Variants in PLCXD3 observed in about 807,000 individuals in gnomAD.
The protein encoded by PLCXD3 is phosphatidylinositol specific phospholipase C X domain containing 3, also known as PI-PLC X domain-containing protein 3.
In PLCXD3, 19 loss-of-function variants were observed where a neutral mutation model predicts 25.5. That is an observed-to-expected ratio of 0.75 (90% confidence interval 0.52 to 1.09). PLCXD3 has a LOEUF of 1.09. Among genes scored for constraint, PLCXD3 ranks in the 50% least tolerant of loss-of-function variants. PLCXD3 has a pLI of 0.00. For missense variants in PLCXD3, 411 were observed against 388.1 expected (o/e 1.06, Z -0.50); for synonymous variants, 174 against 137.6 (o/e 1.26, Z -1.85).
intron 1 of PLCXD3, among the ~76,000 whole-genome samples, chr5:41,499,203 G>A (rs73081519): frequency 0.011 from 1,717 of 151,462 alleles, 29 homozygotes; most frequent in African/African-American, 0.039. Flanking sequence ...AATAGAAAAG[G>A]AAGTAGCAAA....
At chr5:41,330,793 A>G (rs1192957226) in intron 2 of PLCXD3, among the ~76,000 whole-genome samples, 1 of 152,190 alleles carries the variant, frequency 6.6e-6, no homozygotes. Flanking sequence ...GGTTCAATAT[A>G]TGCAAATCAA....
At chr5:41,489,523 T>A (rs1414870008) in intron 1 of PLCXD3, among the ~76,000 whole-genome samples, 1 of 152,324 alleles carries the variant, frequency 6.6e-6, no homozygotes, top group East Asian at 1.9e-4. Flanking sequence ...CCTTGGGCAG[T>A]ATGGCAATTT....
chr5:41,324,940 T>C (rs999348232), intron 2 of PLCXD3, among the ~76,000 whole-genome samples: 1 of 152,182 alleles, frequency 6.6e-6, no homozygotes, highest in African/African-American at 2.4e-5. Flanking sequence ...ATCCCTTGGG[T>C]ACTACGTCAT....
At chr5:41,423,494 A>G (rs1746876936) in intron 1 of PLCXD3, among the ~76,000 whole-genome samples, 1 of 152,008 alleles carries the variant, frequency 6.6e-6, no homozygotes, top group African/African-American at 2.4e-5. Flanking sequence ...GATTATTTTT[A>G]TATTCTCCTT....
intron 2 of PLCXD3, among the ~76,000 whole-genome samples, chr5:41,323,539 G>A (rs1361608588): frequency 1.3e-5 from 2 of 151,992 alleles, no homozygotes; most frequent in Non-Finnish European, 2.9e-5. Context: ...GAAATACATA[G>A]CAACTGAAAA....
rs1580391357 is a variant in PLCXD3 at position 41,474,395 on chromosome 5, T to C, written c.103+36029A>G. Among the ~76,000 whole-genome samples the C allele has an allele frequency of 1.3e-5, 2 of 152,354 alleles. 1 individual carries two copies. Among genetic ancestry groups the C allele is most frequent in the East Asian group, 3.9e-4 (2 of 5,188 alleles). On this transcript the variant is annotated intron_variant, in intron 1 of 2. Coordinates refer to ENST00000377801, the MANE Select transcript of PLCXD3 (RefSeq NM_001005473.3). ...TCAGTTTGCCAACATTCTGCATTTA[T>C]GAGAAACAGTTTGCTGTTTACTCAG...
intron 1 of PLCXD3, among the ~76,000 whole-genome samples, chr5:41,403,408 T>TTTTTTTTTGTTTTTG (rs1554047966): frequency 3.8e-5 from 1 of 26,230 alleles, no homozygotes; most frequent in African/African-American, 1.7e-4. Context: ...GTTGTTTTTT[T>TTTTTTTTTGTTTTTG]TTTTTTTTAT....
At chr5:41,420,128 T>C (rs992866487) in intron 1 of PLCXD3, among the ~76,000 whole-genome samples, 4 of 152,208 alleles carry the variant, frequency 2.6e-5, no homozygotes, top group Non-Finnish European at 5.9e-5. Context: ...AAGACAATGA[T>C]TGCACCTATA....
intron 1 of PLCXD3, among the ~76,000 whole-genome samples, chr5:41,432,380 T>A (rs965930043): frequency 1.3e-5 from 2 of 152,188 alleles, no homozygotes; most frequent in Admixed American, 1.3e-4. Context: ...GCTATCACTG[T>A]TTTTCTGCTG....
At chr5:41,327,857 G>A (rs1743679228) in intron 2 of PLCXD3, among the ~76,000 whole-genome samples, 1 of 152,042 alleles carries the variant, frequency 6.6e-6, no homozygotes, top group South Asian at 2.1e-4. Context: ...CCATGCTGCA[G>A]TGCAGTGGCA....
rs1743060017 is a variant in PLCXD3 at position 41,308,858 on chromosome 5, T to C, written c.*4759A>G. The C allele has an allele frequency of 6.6e-6, 1 of 152,446 alleles. No individual in the cohort carries two copies. Among genetic ancestry groups the C allele is most frequent in the Non-Finnish European group, 1.5e-5 (1 of 68,006 alleles). 9.4% of individuals were successfully genotyped at this position (152,446 alleles called of 1,614,324 possible). A position where few individuals can be genotyped will look rare whatever the true frequency, so the allele number is the denominator to read the frequency against. ...AGTCTGTATGAAAATGAAGTTAATA[T>C]ATGAATTGATGTTTGATTATTACGA... On this transcript the variant is annotated 3_prime_UTR_variant, in exon 3 of 3. Transcript: ENST00000377801.
In PLCXD3 at chr5:41,308,568, C is replaced by T. The variant is rs575111226; in HGVS notation, c.*5049G>A. 1.1e-4 allele frequency: 16 copies of T among 152,174 alleles called. No homozygotes were observed. Among genetic ancestry groups the T allele is most frequent in the African/African-American group, 1.7e-4 (7 of 41,540 alleles). The allele number at this position is 152,174 out of a possible 1,614,324, so 9.4% of individuals were successfully genotyped here. A position where few individuals can be genotyped will look rare whatever the true frequency, so the allele number is the denominator to read the frequency against. On this transcript the variant is annotated 3_prime_UTR_variant, in exon 3 of 3. Coordinates refer to ENST00000377801, the MANE Select transcript of PLCXD3 (RefSeq NM_001005473.3). ...TTTCTATTGCTAGACTAATTCTACA[C>T]GTGGGGCAGACCAGAAAAGTGTGTG...
At chr5:41,370,767 G>T (rs1183179773) in intron 2 of PLCXD3, among the ~76,000 whole-genome samples, 1 of 152,174 alleles carries the variant, frequency 6.6e-6, no homozygotes, top group African/African-American at 2.4e-5. Context: ...CTCCCTCTGT[G>T]AAAGAGGACA....
intron 2 of PLCXD3, among the ~76,000 whole-genome samples, chr5:41,339,685 G>A (rs1008639593): frequency 2.0e-5 from 3 of 152,134 alleles, no homozygotes; most frequent in Non-Finnish European, 4.4e-5. Context: ...ATATGGAAGA[G>A]AAGCATTATT....
Position 41,440,249 on chromosome 5 carries a change from T to TTTTTTTTTTTTTTTTTTTTTTG in PLCXD3, c.104-57716_104-57715insCAAAAAAAAAAAAAAAAAAAAA, listed in dbSNP as rs751131624. ...TTTTTTTTTTTTTTTTTTTTTTTTT[T>TTTTTTTTTTTTTTTTTTTTTTG]TTAGTCAGAGTCTCACTGTGTCACC... On this transcript the variant is annotated intron_variant, in intron 1 of 2. Transcript: ENST00000377801. Among the ~76,000 whole-genome samples the TTTTTTTTTTTTTTTTTTTTTTG allele has an allele frequency of 1.4e-3, 137 of 100,386 alleles. 16 individuals carry two copies. The highest frequency in any genetic ancestry group is 1.9e-3 in the Non-Finnish European group (92 of 49,614). The allele number at this position is 100,386 out of a possible 152,430, so 65.9% of individuals were successfully genotyped here.
chr5:41,316,585 G>A (rs975862363), intron 2 of PLCXD3, among the ~76,000 whole-genome samples: 2 of 152,196 alleles, frequency 1.3e-5, no homozygotes, highest in Admixed American at 6.5e-5. Flanking sequence ...CTTCACTGTT[G>A]GATGGCATTT....
intron 2 of PLCXD3, among the ~76,000 whole-genome samples, chr5:41,356,702 G>A (rs1744629357): frequency 6.6e-6 from 1 of 152,110 alleles, no homozygotes; most frequent in Non-Finnish European, 1.5e-5. Flanking sequence ...AATATTTACT[G>A]AAACACATGC....
intron 2 of PLCXD3, among the ~76,000 whole-genome samples, chr5:41,370,097 G>A (rs1434008997): frequency 1.3e-5 from 2 of 152,176 alleles, no homozygotes; most frequent in Non-Finnish European, 2.9e-5. Context: ...AGGGAAATAA[G>A]TGATGAGGGG....
chr5:41,389,230 A>G (rs1366951748), intron 1 of PLCXD3, among the ~76,000 whole-genome samples: 3 of 152,116 alleles, frequency 2.0e-5, no homozygotes, highest in Admixed American at 6.6e-5. Context: ...AAACGTACTG[A>G]AAAACTTCAG....
Sources: gnomAD v4.1 joint callset for allele counts (sites outside exome capture counted in the v4.1 genomes callset) on GRCh38, gnomAD v4.1.1 for gene constraint, MANE v1.5 for transcripts, NCBI Gene and HGNC (gene_info 2026-07-23, HGNC 2026-07-21) for gene names.